ZC3H3: variants seen among roughly 807,000 people sequenced by gnomAD.
ZC3H3 encodes zinc finger CCCH domain-containing protein 3.
A neutral mutation model predicts 77.3 loss-of-function variants in ZC3H3; 36 were observed. That is an observed-to-expected ratio of 0.47 (90% CI 0.36 to 0.61). The LOEUF (loss-of-function observed/expected upper bound fraction) is 0.61, where lower values mean the gene tolerates loss of function less well. Ranked by LOEUF, ZC3H3 falls within the 20% of genes least tolerant of loss-of-function variation. The pLI is 0.00. For missense variants in ZC3H3, 1,331 were observed against 1,312.2 expected, an observed-to-expected ratio of 1.01 and a Z score of -0.22; for synonymous variants, 626 against 555.2, an observed-to-expected ratio of 1.13 and a Z score of -1.79.
chr8:143,472,932 G>A (rs1350928102), intron 5 of ZC3H3, among the ~76,000 whole-genome samples: 12 of 152,194 alleles, frequency 7.9e-5, no homozygotes, highest in Non-Finnish European at 4.4e-5. Flanking sequence ...TCCCTGGGAT[G>A]GGCTCTGGCT....
intron 4 of ZC3H3, among the ~76,000 whole-genome samples, chr8:143,505,475 G>A (rs1481236595): frequency 9.9e-5 from 15 of 152,176 alleles, no homozygotes; most frequent in Admixed American, 9.8e-4. Flanking sequence ...GGTGGCAGGT[G>A]ACCCTGGGCG....
rs1244995181 is a variant in ZC3H3 at position 143,533,685 on chromosome 8, C to CT, written c.1561+2571dup. On this transcript the variant is annotated intron_variant, in intron 3 of 11. Coordinates refer to ENST00000262577, the MANE Select transcript of ZC3H3 (RefSeq NM_015117.3). This position sits in a 1 kb window ranked among gnomAD's most constrained non-coding sequence, Gnocchi z 4.0. ...CACTCCATGCAGCCGCCACGCTGGT[C>CT]TTTTTTTTTTTTTTTTTTTGAGACA... 0.11 allele frequency among the ~76,000 whole-genome samples: 13,517 copies of CT among 128,650 alleles called. 861 individuals carry two copies. Among genetic ancestry groups the CT allele is most frequent in the African/African-American group, 0.12 (4,235 of 34,776 alleles). The allele number at this position is 128,650 out of a possible 152,430, so 84.4% of individuals were successfully genotyped here. A position where few individuals can be genotyped will look rare whatever the true frequency, so the allele number is the denominator to read the frequency against.
chr8:143,503,241 G>A (rs1246712152), intron 4 of ZC3H3, among the ~76,000 whole-genome samples: 3 of 152,282 alleles, frequency 2.0e-5, no homozygotes, highest in South Asian at 4.1e-4. Flanking sequence ...GATGCCACCC[G>A]TTGAGGCAGG....
chr8:143,472,774 C>A (rs542185467), intron 5 of ZC3H3, among the ~76,000 whole-genome samples: 84 of 152,342 alleles, frequency 5.5e-4, no homozygotes, highest in Admixed American at 1.1e-3. Context: ...TGCCACAAGC[C>A]CCTCCGTGGG....
At chr8:143,477,843 C>T (rs528857249) in intron 4 of ZC3H3, among the ~76,000 whole-genome samples, 35 of 152,296 alleles carry the variant, frequency 2.3e-4, no homozygotes, top group South Asian at 4.1e-4. Context: ...ACCCCCCCAC[C>T]GCAGCACCAG....
intron 3 of ZC3H3, 125 bp downstream of exon 3, chr8:143,536,132 A>G (rs1418287283): frequency 1.7e-6 from 2 of 1,195,422 alleles, no homozygotes; most frequent in Admixed American, 2.5e-5. Flanking sequence ...TCTGCCAGGC[A>G]GTGCCCTCCC....
At chr8:143,449,128 G>T (rs1314560079) in intron 9 of ZC3H3, among the ~76,000 whole-genome samples, 1 of 152,228 alleles carries the variant, frequency 6.6e-6, no homozygotes, top group African/African-American at 2.4e-5. Context: ...CAGGCCTCAT[G>T]CCAGTGATGG....
intron 7 of ZC3H3, 38 bp from the exon 8 acceptor site, chr8:143,468,316 G>C: frequency 6.2e-7 from 1 of 1,612,214 alleles, no homozygotes; most frequent in Non-Finnish European, 8.5e-7. Context: ...GGAAGGGCCG[G>C]CAGGGACCAA....
chr8:143,519,882 A>C (rs1822185674), intron 3 of ZC3H3, among the ~76,000 whole-genome samples: 1 of 152,174 alleles, frequency 6.6e-6, no homozygotes, highest in Admixed American at 6.5e-5. Context: ...GTGGGAAGCC[A>C]CGGCCCAGCA....
At chr8:143,527,227 G>A (rs1400610136) in intron 3 of ZC3H3, among the ~76,000 whole-genome samples, 3 of 152,214 alleles carry the variant, frequency 2.0e-5, no homozygotes, top group Non-Finnish European at 4.4e-5. Flanking sequence ...CTCTCGGACA[G>A]GTGTCCTGCA....
chr8:143,540,790 T>C (rs1464949318), intron 1 of ZC3H3, among the ~76,000 whole-genome samples: 1 of 152,084 alleles, frequency 6.6e-6, no homozygotes, highest in Non-Finnish European at 1.5e-5. Flanking sequence ...ACCCCGTCTC[T>C]ACTCAAAATA....
chr8:143,474,158 C>G (rs1333954413), intron 5 of ZC3H3, among the ~76,000 whole-genome samples: 1 of 149,118 alleles, frequency 6.7e-6, no homozygotes, highest in African/African-American at 2.4e-5. Context: ...TCACACAGCC[C>G]AGTCCCTCAA....
intron 4 of ZC3H3, among the ~76,000 whole-genome samples, chr8:143,480,820 C>T (rs1820887875): frequency 6.6e-6 from 1 of 152,196 alleles, no homozygotes; most frequent in East Asian, 1.9e-4. Flanking sequence ...GCGTGACTGG[C>T]ACACTGGCAT....
rs1427035822 is a variant in ZC3H3 at position 143,465,724 on chromosome 8, C to G, written c.2300G>C (p.Gly767Ala). ...CCCCCACAGACCACTCACCTTTGCA[C>G]CCAGGGGGCAGTAGCCTTTGAGGAA... ...SDFLKGYCPL[G>A]AKCKKKHTLL... Residue 767 changes from glycine (G) to alanine (A), a missense_variant, in exon 9 of 12, where the codon GGT becomes GCT. Physicochemically the swap from Gly to Ala is moderately conservative, Grantham distance 60. Coordinates refer to ENST00000262577, the MANE Select transcript of ZC3H3 (RefSeq NM_015117.3). 6.2e-7 allele frequency: 1 copy of G among 1,613,810 alleles called. No homozygotes were observed. Among genetic ancestry groups the G allele is most frequent in the South Asian group, 1.1e-5 (1 of 91,088 alleles).
rs1820471267 is a variant in ZC3H3 at position 143,468,427 on chromosome 8, C to T, written c.2060G>A (p.Arg687His). 1.2e-6 allele frequency: 2 copies of T among 1,611,354 alleles called. No homozygotes were observed. The highest frequency in any genetic ancestry group is 2.2e-5 in the East Asian group (1 of 44,796). ...NRFGRCNRGE[R>H]CPYIHDPEKV... Reference sequence around the variant, plus strand: ...CTCGGGATCGTGGATGTAGGGGCAGCGCTCGCCACGGTTGCACCTGCCGAA... The same window carrying T: ...CTCGGGATCGTGGATGTAGGGGCAGTGCTCGCCACGGTTGCACCTGCCGAA... Residue 687 changes from arginine to histidine, a missense_variant, in exon 7 of 12, where the codon CGC (arginine) becomes CAC (histidine). By Grantham distance (29) the Arg-to-His change is conservative. This residue lies in a region of ZC3H3 where 104 missense variants were observed against 159.7 expected (regional missense o/e 0.65). Coordinates refer to ENST00000262577, the MANE Select transcript of ZC3H3 (RefSeq NM_015117.3).
At chr8:143,519,810 G>T (rs1246628681) in intron 3 of ZC3H3, among the ~76,000 whole-genome samples, 2 of 152,166 alleles carry the variant, frequency 1.3e-5, no homozygotes, top group African/African-American at 4.8e-5. Flanking sequence ...CTCATCACGG[G>T]CCCAAAGGCT....
At chr8:143,466,243 A>G (rs925844174) in intron 8 of ZC3H3, among the ~76,000 whole-genome samples, 1 of 152,000 alleles carries the variant, frequency 6.6e-6, no homozygotes, top group Admixed American at 6.5e-5. Flanking sequence ...CATGGGGACC[A>G]GTGTCTAGGT....
rs541067935 is a variant in ZC3H3, at chr8:143,500,916, G to A, written c.1715+6830C>T. Among the ~76,000 whole-genome samples, 45 of 151,068 alleles carry A rather than the reference G, an allele frequency of 3.0e-4. 1 individual carries two copies. The highest frequency in any genetic ancestry group is 2.3e-3 in the East Asian group (12 of 5,142). On this transcript the variant is annotated intron_variant, in intron 4 of 11. Coordinates refer to ENST00000262577, the MANE Select transcript of ZC3H3 (RefSeq NM_015117.3). ...GCAACCTCTGCATCTGGGTTCAAGC[G>A]GTTCTCCGGCCTCAGCCTCCCAAGT...
At chr8:143,477,803 G>C (rs1403316157) in intron 4 of ZC3H3, among the ~76,000 whole-genome samples, 1 of 152,184 alleles carries the variant, frequency 6.6e-6, no homozygotes, top group African/African-American at 2.4e-5. Context: ...CTCACCATTG[G>C]GAGGGTGAGG....
Sources: gnomAD v4.1 joint callset for allele counts (sites outside exome capture counted in the v4.1 genomes callset) on GRCh38, gnomAD v4.1.1 for gene constraint, gnomAD v4.1.1 regional missense constraint, Gnocchi (gnomAD v3.1) non-coding constraint, MANE v1.5 for transcripts, NCBI Gene and HGNC (gene_info 2026-07-23, HGNC 2026-07-21) for gene names.